ST8SIA2: variants seen among roughly 807,000 people sequenced by gnomAD.
The protein encoded by ST8SIA2 is alpha-2,8-sialyltransferase 8B.
In ST8SIA2, 22 loss-of-function variants were observed where a neutral mutation model predicts 37.6. The ratio of observed to expected loss-of-function variants is 0.58; its 90% CI spans 0.42 to 0.83. The LOEUF is 0.83. ST8SIA2 is among the 40% of genes least tolerant of loss of function. ST8SIA2 has a pLI of 0.00. For synonymous variants in ST8SIA2, 205 were observed against 201.2 expected (o/e 1.02, Z -0.16); for missense variants, 382 against 484.7 (o/e 0.79, Z 1.99).
chr15:92,430,258 G>A (rs550936896), intron 2 of ST8SIA2, 147 bp downstream of exon 2: 1 of 818,534 alleles, frequency 1.2e-6, no homozygotes. Context: ...AATCACTTTT[G>A]GGGGGAGCTG....
chr15:92,419,155 C>T (rs553210358), intron 1 of ST8SIA2, among the ~76,000 whole-genome samples: 2 of 152,234 alleles, frequency 1.3e-5, no homozygotes, highest in South Asian at 2.1e-4. Context: ...CATCCAACAC[C>T]GATGCGGTTC....
chr15:92,419,857 T>C (rs2049618936), intron 1 of ST8SIA2, among the ~76,000 whole-genome samples: 1 of 152,142 alleles, frequency 6.6e-6, no homozygotes, highest in South Asian at 2.1e-4. Flanking sequence ...AGAAGTCTGT[T>C]TTTTGTTGTT....
intron 1 of ST8SIA2, among the ~76,000 whole-genome samples, chr15:92,404,714 T>C (rs930219313): frequency 4.0e-5 from 6 of 150,566 alleles, no homozygotes; most frequent in Non-Finnish European, 7.4e-5. Flanking sequence ...TGCATGCCTG[T>C]AGTCCCAGCT....
chr15:92,455,131 C>A (rs2049911129), intron 5 of ST8SIA2, among the ~76,000 whole-genome samples: 1 of 152,126 alleles, frequency 6.6e-6, no homozygotes, highest in South Asian at 2.1e-4. Context: ...TAGGGAGAGA[C>A]CAGCACAGGT....
At chr15:92,455,506 G>A (rs139579828) in intron 5 of ST8SIA2, among the ~76,000 whole-genome samples, 42 of 152,288 alleles carry the variant, frequency 2.8e-4, no homozygotes, top group Non-Finnish European at 5.4e-4. Flanking sequence ...TCTGTGTGTG[G>A]ATCCTTCCAA....
intron 3 of ST8SIA2, among the ~76,000 whole-genome samples, chr15:92,435,708 C>G (rs1029258390): frequency 6.6e-6 from 1 of 152,122 alleles, no homozygotes; most frequent in South Asian, 2.1e-4. Context: ...AAGTAGCTGA[C>G]TCCCTGCCAC....
At chr15:92,414,563 G>A (rs4777977) in intron 1 of ST8SIA2, among the ~76,000 whole-genome samples, 90,566 of 152,128 alleles carry the variant, frequency 0.6, 28,101 homozygotes, top group African/African-American at 0.76. Context: ...CTCTAAGTCA[G>A]TTGGAGGAAG....
At chr15:92,396,682 C>G (rs990025229) in intron 1 of ST8SIA2, among the ~76,000 whole-genome samples, 3 of 151,960 alleles carry the variant, frequency 2.0e-5, no homozygotes, top group African/African-American at 7.2e-5. Context: ...TTATTAGAGA[C>G]GGGGTTTCAC....
intron 1 of ST8SIA2, among the ~76,000 whole-genome samples, chr15:92,401,220 G>A (rs980312758): frequency 1.3e-5 from 2 of 152,198 alleles, no homozygotes; most frequent in Non-Finnish European, 2.9e-5. Flanking sequence ...GTGGGGACAA[G>A]CTCATCTTCC....
intron 4 of ST8SIA2, among the ~76,000 whole-genome samples, chr15:92,439,159 G>A (rs79465730): frequency 6.6e-6 from 1 of 152,154 alleles, no homozygotes; most frequent in African/African-American, 2.4e-5. Context: ...TGGTACAAAA[G>A]GTTGGTAAGA....
intron 1 of ST8SIA2, among the ~76,000 whole-genome samples, chr15:92,420,522 G>A (rs2049625438): frequency 6.6e-6 from 1 of 152,186 alleles, no homozygotes. Flanking sequence ...GAGCAAAGGA[G>A]AGAGCCAAGG....
At position 92,431,082 on chromosome 15, in the gene ST8SIA2, T is replaced by C. The variant is rs191110715; in HGVS notation, c.161+971T>C. Among the ~76,000 whole-genome samples, 108 of 152,296 alleles carry C rather than the reference T, an allele frequency of 7.1e-4. 2 individuals are homozygous for C. In the South Asian group the frequency reaches 0.017, roughly 23 times the overall value. On this transcript the variant is annotated intron_variant, in intron 2 of 5. Transcript: ENST00000268164. Reference sequence around the variant, plus strand: ...TGACCTCTTAGCCACCTTGGAGCTATGAATGAAGCCCGTGTTATGCCAGGT... The same window carrying C: ...TGACCTCTTAGCCACCTTGGAGCTACGAATGAAGCCCGTGTTATGCCAGGT...
At chr15:92,399,760 G>A (rs1305355719) in intron 1 of ST8SIA2, among the ~76,000 whole-genome samples, 2 of 152,188 alleles carry the variant, frequency 1.3e-5, no homozygotes, top group Admixed American at 1.3e-4. Flanking sequence ...ATTGTAAATA[G>A]ATACCATCTT....
At chr15:92,460,106 C>G (rs2049947416) in intron 5 of ST8SIA2, among the ~76,000 whole-genome samples, 1 of 152,186 alleles carries the variant, frequency 6.6e-6, no homozygotes, top group Non-Finnish European at 1.5e-5. Flanking sequence ...GGCTGCTGAG[C>G]TAACTGAGCT....
At chr15:92,417,720 A>G (rs1009422325) in intron 1 of ST8SIA2, 62 of 152,218 alleles carry the variant, frequency 4.1e-4, no homozygotes, top group African/African-American at 1.4e-3. Flanking sequence ...GAGGTTAACA[A>G]TGTATCTGCA....
At chr15:92,447,132 T>A (rs2049848135) in intron 5 of ST8SIA2, among the ~76,000 whole-genome samples, 1 of 152,202 alleles carries the variant, frequency 6.6e-6, no homozygotes, top group Admixed American at 6.5e-5. Context: ...TGGCATGGGA[T>A]ATCTAAGAGT....
In ST8SIA2 at chr15:92,396,643, G is replaced by A. The variant is rs1478650815; in HGVS notation, c.98+2481G>A. Reference sequence around the variant, plus strand: ...CGAGTAGCTGGGATTACAGGCACCTGCCACCACACCAGGCTAATTTTTGTA... The same window carrying A: ...CGAGTAGCTGGGATTACAGGCACCTACCACCACACCAGGCTAATTTTTGTA... On this transcript the variant is annotated intron_variant, in intron 1 of 5. Coordinates refer to ENST00000268164, the MANE Select transcript of ST8SIA2 (RefSeq NM_006011.4). 2.0e-5 allele frequency among the ~76,000 whole-genome samples: 3 copies of A among 152,092 alleles called. No homozygotes were observed. The East Asian group carries it at 5.8e-4, about 29-fold the overall frequency.
chr15:92,431,379 C>T (rs1212479488), intron 2 of ST8SIA2, among the ~76,000 whole-genome samples: 3 of 152,216 alleles, frequency 2.0e-5, no homozygotes, highest in African/African-American at 7.2e-5. Context: ...TTGGCTTCCC[C>T]ATTTAATTAG....
chr15:92,458,765 G>A (rs1042904744), intron 5 of ST8SIA2, among the ~76,000 whole-genome samples: 4 of 152,186 alleles, frequency 2.6e-5, no homozygotes, highest in African/African-American at 4.8e-5. Context: ...GGGCAAAAGT[G>A]CAAAGGAGTG....
Sources: allele counts gnomAD v4.1 joint callset (sites outside exome capture counted in the v4.1 genomes callset), GRCh38; gene constraint gnomAD v4.1.1; transcripts MANE v1.5; gene names NCBI Gene and HGNC (gene_info 2026-07-23, HGNC 2026-07-21).